Variants in CDH10 observed in about 807,000 individuals in gnomAD.
CDH10 encodes the protein cadherin 10, also known as cadherin-10.
In CDH10, 30 loss-of-function variants were observed where a neutral mutation model predicts 73.1. The observed-to-expected ratio is 0.41, with a 90% CI of 0.31 to 0.56. CDH10 has a LOEUF of 0.56. Ranked by LOEUF, CDH10 falls within the 20% of genes least tolerant of loss-of-function variation. The probability of loss-of-function intolerance (pLI) is 0.27; values close to 1 mark genes in which losing one functional copy is unlikely to be tolerated. For missense variants in CDH10, 815 were observed against 973.7 expected (o/e 0.84, Z 2.17); for synonymous variants, 345 against 348.2 (o/e 0.99, Z 0.10).
chr5:24,581,731 ACG>A (rs1745808703), intron 2 of CDH10, among the ~76,000 whole-genome samples: 1 of 152,174 alleles, frequency 6.6e-6, no homozygotes, highest in Non-Finnish European at 1.5e-5. Context: ...AATCATCCAG[ACG>A]AAGTGTCAAA....
chr5:24,643,236 A>G (rs564090407), intron 1 of CDH10, among the ~76,000 whole-genome samples: 48 of 152,286 alleles, frequency 3.2e-4, no homozygotes, highest in Non-Finnish European at 5.4e-4. Context: ...TTTCTAGGAC[A>G]TAACCTCTTT....
intron 2 of CDH10, among the ~76,000 whole-genome samples, chr5:24,584,131 G>T (rs914636996): frequency 2.6e-5 from 4 of 151,974 alleles, no homozygotes; most frequent in African/African-American, 9.7e-5. Flanking sequence ...TGAGGTTGTT[G>T]AAATCCTAAA....
chr5:24,597,506 A>G (rs574082165), intron 1 of CDH10, among the ~76,000 whole-genome samples: 2 of 152,206 alleles, frequency 1.3e-5, no homozygotes, highest in South Asian at 2.1e-4. Flanking sequence ...ATTATTTCTA[A>G]GTACTCTAAG....
At chr5:24,593,141 C>T (rs1332825514) in intron 2 of CDH10, 119 bp downstream of exon 2, 9 of 611,102 alleles carry the variant, frequency 1.5e-5, no homozygotes, top group Admixed American at 3.1e-5. Context: ...AACAAAAATC[C>T]TTTAGGGAGA....
At chr5:24,502,261 A>T (rs1742529169) in intron 8 of CDH10, among the ~76,000 whole-genome samples, 1 of 152,162 alleles carries the variant, frequency 6.6e-6, no homozygotes, top group African/African-American at 2.4e-5. Context: ...GAAGAAAAAG[A>T]GGAGTTATTC....
At chr5:24,556,660 A>C (rs1470972342) in intron 2 of CDH10, among the ~76,000 whole-genome samples, 1 of 151,730 alleles carries the variant, frequency 6.6e-6, no homozygotes, top group African/African-American at 2.4e-5. Flanking sequence ...GGTTAAACTA[A>C]CCATTAAATA....
chr5:24,517,870 G>A (rs747014925), intron 5 of CDH10, among the ~76,000 whole-genome samples: 10 of 152,100 alleles, frequency 6.6e-5, no homozygotes, highest in South Asian at 2.1e-4. Flanking sequence ...TACTGAAGCC[G>A]CAGATAGACT....
chr5:24,633,968 T>A (rs552578137), intron 1 of CDH10, among the ~76,000 whole-genome samples: 1 of 151,996 alleles, frequency 6.6e-6, no homozygotes, highest in Admixed American at 6.6e-5. Context: ...GACAAGTGAA[T>A]AGAATTTTAC....
chr5:24,569,122 G>T (rs943656672), intron 2 of CDH10, among the ~76,000 whole-genome samples: 1 of 151,066 alleles, frequency 6.6e-6, no homozygotes, highest in African/African-American at 2.4e-5. Flanking sequence ...AAAAAAAAGA[G>T]AAAGGGTTCC....
At chr5:24,564,438 G>T (rs1381713303) in intron 2 of CDH10, among the ~76,000 whole-genome samples, 1 of 152,028 alleles carries the variant, frequency 6.6e-6, no homozygotes, top group African/African-American at 2.4e-5. Context: ...CTTTACAAAG[G>T]AATCACTTCT....
intron 11 of CDH10, among the ~76,000 whole-genome samples, chr5:24,489,476 TAAA>T (rs1741969849): frequency 6.6e-6 from 1 of 152,154 alleles, no homozygotes; most frequent in Non-Finnish European, 1.5e-5. Context: ...TTATTTTGCC[TAAA>T]TTCATATATT....
chr5:24,600,947 T>C (rs1428525237), intron 1 of CDH10, among the ~76,000 whole-genome samples: 1 of 152,064 alleles, frequency 6.6e-6, no homozygotes, highest in Non-Finnish European at 1.5e-5. Flanking sequence ...TTGGGTTATG[T>C]CTTTGATGGG....
At chr5:24,552,953 AAT>A (rs1336221670) in intron 2 of CDH10, among the ~76,000 whole-genome samples, 1 of 152,050 alleles carries the variant, frequency 6.6e-6, no homozygotes, top group African/African-American at 2.4e-5. Context: ...GTCATCCTGT[AAT>A]ATTTCTTCAC....
chr5:24,595,930 T>G (rs1309554988), intron 1 of CDH10, among the ~76,000 whole-genome samples: 1 of 151,908 alleles, frequency 6.6e-6, no homozygotes, highest in Non-Finnish European at 1.5e-5. Flanking sequence ...ATGAGATCAT[T>G]TCCTTTGTTA....
chr5:24,515,895 C>A (rs12522863), intron 5 of CDH10, among the ~76,000 whole-genome samples: 72,525 of 151,780 alleles, frequency 0.48, 17,422 homozygotes, highest in East Asian at 0.58. Flanking sequence ...TGGTTTTATA[C>A]AGGGGAGTTT....
At chr5:24,494,502 C>A (rs1742189894) in intron 9 of CDH10, among the ~76,000 whole-genome samples, 1 of 151,798 alleles carries the variant, frequency 6.6e-6, no homozygotes, top group Non-Finnish European at 1.5e-5. Context: ...CATACAGACA[C>A]AAAAAGTGAC....
chr5:24,546,321 G>GT (rs1744337445), intron 2 of CDH10, among the ~76,000 whole-genome samples: 1 of 151,984 alleles, frequency 6.6e-6, no homozygotes, highest in African/African-American at 2.4e-5. Flanking sequence ...AACTTTCTGT[G>GT]TTTTCCCCAA....
At chr5:24,541,440 G>A (rs964601034) in intron 2 of CDH10, among the ~76,000 whole-genome samples, 5 of 151,962 alleles carry the variant, frequency 3.3e-5, no homozygotes, top group African/African-American at 1.2e-4. Context: ...CTTTATAACT[G>A]CAGCTTTCTC....
Position 24,511,416 on chromosome 5 carries a change from C to T in CDH10, c.913G>A (p.Glu305Lys), listed in dbSNP as rs1374459905. The change falls in exon 6 of 12, where the codon GAA (glutamate) becomes AAA (lysine). Residue 305 changes from glutamate (E) to lysine (K), a missense_variant. Physicochemically the swap from Glu to Lys is moderately conservative, Grantham distance 56. Transcript: ENST00000264463. ...CCGTCACCATCAATAATTCGGTATT[C>T]TACTTCAGCATTTTTCCCAGTGTCA... Reference protein sequence around the residue: ...DADTGKNAEVEYRIIDGDGTD... With the variant: ...DADTGKNAEVKYRIIDGDGTD... The T allele has an allele frequency of 2.5e-6, 4 of 1,610,916 alleles. No individual in the cohort carries two copies. The South Asian group carries it at 4.4e-5, about 18-fold the overall frequency.
Sources: allele counts gnomAD v4.1 joint callset (sites outside exome capture counted in the v4.1 genomes callset), GRCh38; gene constraint gnomAD v4.1.1; transcripts MANE v1.5; gene names NCBI Gene and HGNC (gene_info 2026-07-23, HGNC 2026-07-21).